Variants in CLGN observed in about 807,000 individuals in gnomAD.
CLGN encodes the protein testis tissue sperm-binding protein Li 79P.
CLGN carries 62 observed loss-of-function variants against 79.1 expected under a neutral mutation model. The ratio of observed to expected loss-of-function variants is 0.78; its 90% confidence interval spans 0.64 to 0.97. The LOEUF is 0.97. Ranked by LOEUF, CLGN falls within the 50% of genes least tolerant of loss-of-function variation. The probability of loss-of-function intolerance (pLI) is 0.00; values close to 1 mark genes in which losing one functional copy is unlikely to be tolerated. For synonymous variants in CLGN, 225 were observed against 224.7 expected (o/e 1.00, Z -0.01); for missense variants, 647 against 715.5 (o/e 0.90, Z 1.09).
intron 1 of CLGN, among the ~76,000 whole-genome samples, chr4:140,418,093 C>A (rs1204666814): frequency 2.7e-5 from 4 of 150,164 alleles, no homozygotes; most frequent in Non-Finnish European, 6.0e-5. Flanking sequence ...GAAAAACAAG[C>A]AATGGGGAAA....
chr4:140,411,562 T>C lies in CLGN; in HGVS notation c.145-936A>G, dbSNP rs1029524666. Among the ~76,000 whole-genome samples the C allele has an allele frequency of 8.5e-5, 13 of 152,240 alleles. 1 individual carries two copies. In the South Asian group the frequency reaches 2.3e-3, roughly 27 times the overall value. Reference sequence around the variant, plus strand: ...TGAGATTAGATTGTATCTGTATGATTAGTGAGATTTCTTCCAGTAGGCTTT... The same window carrying C: ...TGAGATTAGATTGTATCTGTATGATCAGTGAGATTTCTTCCAGTAGGCTTT... On this transcript the variant is annotated intron_variant, in intron 2 of 14. Coordinates refer to ENST00000325617, the MANE Select transcript of CLGN (RefSeq NM_004362.3).
chr4:140,419,435 C>A (rs1729418901), intron 1 of CLGN, among the ~76,000 whole-genome samples: 1 of 151,832 alleles, frequency 6.6e-6, no homozygotes, highest in South Asian at 2.1e-4. Flanking sequence ...ATCATGATTC[C>A]TAAATGTTCA....
chr4:140,415,337 T>G (rs1729307567), intron 1 of CLGN, among the ~76,000 whole-genome samples: 1 of 150,558 alleles, frequency 6.6e-6, no homozygotes, highest in Non-Finnish European at 1.5e-5. Flanking sequence ...CAGGATCAAA[T>G]TCACACATAA....
chr4:140,404,607 T>C (rs1470161351), intron 5 of CLGN, among the ~76,000 whole-genome samples: 31 of 152,140 alleles, frequency 2.0e-4, no homozygotes, highest in Admixed American at 2.0e-3. Context: ...TGAATTGTTT[T>C]TAAACATATG....
Position 140,395,929 on chromosome 4 carries a change from G to A in CLGN, c.1039C>T (p.Leu347Phe). 6.2e-7 allele frequency: 1 copy of A among 1,602,964 alleles called. No individual in the cohort carries two copies. Among genetic ancestry groups the A allele is most frequent in the Non-Finnish European group, 8.5e-7 (1 of 1,176,304 alleles). The change falls in exon 10 of 15, where the codon CTT becomes TTT. Residue 347 changes from leucine to phenylalanine, a missense_variant. Coordinates refer to ENST00000325617, the MANE Select transcript of CLGN (RefSeq NM_004362.3). ...TDGEWEAPQI[L>F]NPACRIGCGE... ...CACCCAATCCGACATGCTGGATTAA[G>A]AATCTGAGGTGCCTCCCATTCTCCA...
intron 5 of CLGN, among the ~76,000 whole-genome samples, chr4:140,405,062 A>C (rs1272251410): frequency 6.6e-6 from 1 of 151,586 alleles, no homozygotes; most frequent in Non-Finnish European, 1.5e-5. Flanking sequence ...ATAAACATTT[A>C]TTTTTGAAAT....
Position 140,402,003 on chromosome 4 carries a change from G to A in CLGN, c.483C>T (p.Asp161=). 1.9e-6 allele frequency: 3 copies of A among 1,562,008 alleles called. No homozygotes were observed. Among genetic ancestry groups the A allele is most frequent in the East Asian group, 2.3e-5 (1 of 43,074 alleles). The part of the protein sequence containing the change: ...CGGAYIKLLA[D]TDDLILENFY... Reference sequence around the variant, plus strand: ...ATCATACCAGAATCAAATCATCAGTGTCTGCTAGGAGTTTAATGTATGCAC... The same window carrying A: ...ATCATACCAGAATCAAATCATCAGTATCTGCTAGGAGTTTAATGTATGCAC... The change falls in exon 6 of 15, where the codon GAC becomes GAT. Residue 161 remains aspartate (D), a synonymous_variant. Coordinates refer to ENST00000325617, the MANE Select transcript of CLGN (RefSeq NM_004362.3).
intron 2 of CLGN, among the ~76,000 whole-genome samples, chr4:140,411,551 A>G (rs747370940): frequency 1.7e-4 from 26 of 152,228 alleles, no homozygotes; most frequent in South Asian, 1.2e-3. Context: ...ATTAGATTGT[A>G]TCTGTATGAT....
rs535069879 is a variant in CLGN, at chr4:140,421,316, C to A, written c.-10+6221G>T. Among the ~76,000 whole-genome samples the A allele has an allele frequency of 3.2e-3, 492 of 152,092 alleles. 5 individuals carry two copies. The highest frequency in any genetic ancestry group is 0.011 in the African/African-American group (464 of 41,498). On this transcript the variant is annotated intron_variant, in intron 1 of 14. Transcript: ENST00000325617. The stretch of plus-strand genomic sequence containing the variant: ...TGTTTTCAATTCTTTTGAGTATATA[C>A]CCATAAGTTGAATTGCTTGGTCATA...
rs1452266943 is a variant in CLGN, at chr4:140,394,041, C to T, written c.1150G>A (p.Gly384Arg). The change falls in exon 11 of 15, where the codon GGA becomes AGA. Residue 384 changes from glycine to arginine, a missense_variant and splice_region_variant. Gly to Arg is a moderately radical substitution (Grantham distance 125). Coordinates refer to ENST00000325617, the MANE Select transcript of CLGN (RefSeq NM_004362.3). ...GGAATTTTTCGAGGACTCCAGATTCCCTGGAAGAAAAGTAATTGAAGACAT... is the reference window on the plus strand; with the variant it reads ...GGAATTTTTCGAGGACTCCAGATTCTCTGGAAGAAAAGTAATTGAAGACAT... ...PPLVDNPNYQ[G>R]IWSPRKIPNP... 13 of 1,598,366 alleles carry T rather than the reference C, an allele frequency of 8.1e-6. No homozygotes were observed. The highest frequency in any genetic ancestry group is 2.2e-5 in the South Asian group (2 of 89,388).
Position 140,396,147 on chromosome 4 carries a change from G to A in CLGN, c.943C>T (p.Leu315Phe), listed in dbSNP as rs1466422965. The A allele has an allele frequency of 6.2e-7, 1 of 1,614,122 alleles. No homozygotes were observed. The highest frequency in any genetic ancestry group is 2.2e-5 in the East Asian group (1 of 44,868). Reference protein sequence around the residue: ...DSSVVKPAGWLDDEPKFIPDP... With the variant: ...DSSVVKPAGWFDDEPKFIPDP... Reference sequence around the variant, plus strand: ...GGGATAAATTTTGGTTCATCATCAAGCCAGCCAGCAGGTTTAACAACACTT... The same window carrying A: ...GGGATAAATTTTGGTTCATCATCAAACCAGCCAGCAGGTTTAACAACACTT... Residue 315 changes from leucine to phenylalanine, a missense_variant, in exon 9 of 15, where the codon CTT becomes TTT. By Grantham distance (22) the Leu-to-Phe change is conservative. Coordinates refer to ENST00000325617, the MANE Select transcript of CLGN (RefSeq NM_004362.3).
rs1385743197 is a variant in CLGN at position 140,396,870 on chromosome 4, T to TACAC, written c.885-666_885-665insGTGT. On this transcript the variant is annotated intron_variant, in intron 8 of 14. Coordinates refer to ENST00000325617, the MANE Select transcript of CLGN (RefSeq NM_004362.3). ...ACCATGCCTGGCTGGAGCATATATATATACATATATATATATATATGTATA... is the reference window on the plus strand; with the variant it reads ...ACCATGCCTGGCTGGAGCATATATATACACATACATATATATATATATATGTATA... 7.4e-5 allele frequency among the ~76,000 whole-genome samples: 3 copies of TACAC among 40,450 alleles called. No individual in the cohort carries two copies. In the East Asian group the frequency reaches 1.6e-3, roughly 21 times the overall value. 26.5% of individuals were successfully genotyped at this position (40,450 alleles called of 152,430 possible). A position where few individuals can be genotyped will look rare whatever the true frequency, so the allele number is the denominator to read the frequency against.
chr4:140,398,263 C>CTTTTTTTT (rs1162212217), intron 8 of CLGN, among the ~76,000 whole-genome samples: 2 of 86,776 alleles, frequency 2.3e-5, no homozygotes, highest in Non-Finnish European at 4.3e-5. Flanking sequence ...CAAACATACT[C>CTTTTTTTT]TTTTTTTTTT....
intron 4 of CLGN, among the ~76,000 whole-genome samples, chr4:140,406,673 A>C (rs993432659): frequency 1.3e-5 from 2 of 152,232 alleles, no homozygotes; most frequent in African/African-American, 4.8e-5. Flanking sequence ...ATAAGTGCTA[A>C]GCTACAACAA....
intron 8 of CLGN, among the ~76,000 whole-genome samples, chr4:140,396,907 G>GTATATATATATATATA: frequency 8.5e-6 from 1 of 117,350 alleles, no homozygotes; most frequent in East Asian, 2.4e-4. Flanking sequence ...ATATATATAT[G>GTATATATATATATATA]TATATATATA....
intron 1 of CLGN, among the ~76,000 whole-genome samples, chr4:140,425,269 T>G (rs1422430051): frequency 6.6e-6 from 1 of 152,184 alleles, no homozygotes; most frequent in Non-Finnish European, 1.5e-5. Context: ...GAATTATAAT[T>G]CTTTATGATC....
At chr4:140,414,863 C>G (rs1450357726) in intron 1 of CLGN, among the ~76,000 whole-genome samples, 1 of 150,868 alleles carries the variant, frequency 6.6e-6, no homozygotes, top group African/African-American at 2.5e-5. Flanking sequence ...CACAAAGATA[C>G]TCTTCGAGAA....
At chr4:140,423,580 G>A (rs114907845) in intron 1 of CLGN, among the ~76,000 whole-genome samples, 2,878 of 152,182 alleles carry the variant, frequency 0.019, 93 homozygotes, top group African/African-American at 0.066. Flanking sequence ...TCAATATTTC[G>A]GAAGAATTTG....
At chr4:140,389,413 T>G in intron 14 of CLGN, 109 bp from the exon 15 acceptor site, 1 of 797,066 alleles carries the variant, frequency 1.3e-6, no homozygotes, top group Admixed American at 2.2e-5. Flanking sequence ...ATCAATCAAG[T>G]GCTATTATGA....
Sources: allele counts gnomAD v4.1 joint callset (sites outside exome capture counted in the v4.1 genomes callset), GRCh38; gene constraint gnomAD v4.1.1; transcripts MANE v1.5; gene names NCBI Gene and HGNC (gene_info 2026-07-23, HGNC 2026-07-21).